BHLHE40: variants seen among roughly 807,000 people sequenced by gnomAD.
BHLHE40 encodes the protein class E basic helix-loop-helix protein 40.
BHLHE40 carries 3 observed loss-of-function variants against 35.7 expected under a neutral mutation model. That is an observed-to-expected ratio of 0.08 (90% CI 0.04 to 0.22). The LOEUF is 0.22. Ranked by LOEUF, BHLHE40 falls within the 10% of genes least tolerant of loss-of-function variation. The probability of loss-of-function intolerance (pLI) is 1.00; values close to 1 mark genes in which losing one functional copy is unlikely to be tolerated. For synonymous variants in BHLHE40, 236 were observed against 213.0 expected, an observed-to-expected ratio of 1.11 and a Z score of -0.94; for missense variants, 486 against 524.0, an observed-to-expected ratio of 0.93 and a Z score of 0.71.
intron 4 of BHLHE40, 128 bp from the exon 5 acceptor site, chr3:4,982,708 A>T: frequency 8.5e-7 from 1 of 1,175,816 alleles, no homozygotes; most frequent in Non-Finnish European, 1.2e-6. Flanking sequence ...TTTTGGAGTT[A>T]GGAACACAAA....
Position 4,983,216 on chromosome 3 carries a change from C to T in BHLHE40, c.763C>T (p.Arg255Cys), listed in dbSNP as rs1453596582. The change falls in exon 5 of 5, where the codon CGC becomes TGC. Residue 255 changes from arginine (R) to cysteine (C), a missense_variant. Around this residue, in one of 5 missense-constraint regions of BHLHE40, gnomAD observed 206 missense variants for 208.9 expected, o/e 0.99. Coordinates refer to ENST00000256495, the MANE Select transcript of BHLHE40 (RefSeq NM_003670.3). This position sits in a 1 kb window ranked among gnomAD's most constrained non-coding sequence, Gnocchi z 5.0. ...AGGAGAATCGGAGAAGGGCGACTTG[C>T]GCAGTGAGCAGCCGTGCTTCAAAAG... Reference protein sequence around the residue: ...YGGESEKGDLRSEQPCFKSDH... With the variant: ...YGGESEKGDLCSEQPCFKSDH... 7 of 1,614,062 alleles carry T rather than the reference C, an allele frequency of 4.3e-6. No homozygotes were observed. The highest frequency in any genetic ancestry group is 4.5e-5 in the East Asian group (2 of 44,896).
rs2053220997 is a variant in BHLHE40 at position 4,983,594 on chromosome 3, C to G, written c.1141C>G (p.Leu381Val). 1.2e-6 allele frequency: 2 copies of G among 1,614,180 alleles called. No individual in the cohort carries two copies. The highest frequency in any genetic ancestry group is 2.7e-5 in the African/African-American group (2 of 75,048). ...GGCTCCCTTGCTCATGCCCCAGAGACTCCCTTCTCCCTTGCCAGCTCATCC... is the reference window on the plus strand; with the variant it reads ...GGCTCCCTTGCTCATGCCCCAGAGAGTCCCTTCTCCCTTGCCAGCTCATCC... ...ISAPLLMPQR[L>V]PSPLPAHPSV... Residue 381 changes from leucine to valine, a missense_variant, in exon 5 of 5, where the codon CTC becomes GTC. Coordinates refer to ENST00000256495, the MANE Select transcript of BHLHE40 (RefSeq NM_003670.3). This position sits in a 1 kb window ranked among gnomAD's most constrained non-coding sequence, Gnocchi z 5.0.
At position 4,983,619 on chromosome 3, in the gene BHLHE40, C is replaced by A. The variant is rs144013949; in HGVS notation, c.1166C>A (p.Pro389Gln). ...CTCCCTTCTCCCTTGCCAGCTCATC[C>A]GTCCGTCGACTCTTCTGTCTTGCTC... is the stretch of plus-strand genomic sequence containing the variant. ...QRLPSPLPAHPSVDSSVLLQA... is the reference protein window; with the variant it reads ...QRLPSPLPAHQSVDSSVLLQA... The change falls in exon 5 of 5, where the codon CCG (proline) becomes CAG (glutamine). Residue 389 changes from proline to glutamine, a missense_variant. Pro to Gln is a moderately conservative substitution (Grantham distance 76, BLOSUM62 -1). This residue lies in a region of BHLHE40 where 206 missense variants were observed against 208.9 expected (regional missense o/e 0.99). Coordinates refer to ENST00000256495, the MANE Select transcript of BHLHE40 (RefSeq NM_003670.3). This position sits in a 1 kb window ranked among gnomAD's most constrained non-coding sequence, Gnocchi z 5.0. 6.2e-7 allele frequency: 1 copy of A among 1,614,170 alleles called. No individual in the cohort carries two copies. Among genetic ancestry groups the A allele is most frequent in the Non-Finnish European group, 8.5e-7 (1 of 1,180,032 alleles).
intron 4 of BHLHE40, among the ~76,000 whole-genome samples, chr3:4,981,790 T>C (rs1421402334): frequency 6.6e-6 from 1 of 152,262 alleles, no homozygotes; most frequent in Non-Finnish European, 1.5e-5. Flanking sequence ...CTACTCCCTT[T>C]TAAAATGCCA....
chr3:4,983,242 T>A lies in BHLHE40; in HGVS notation c.789T>A (p.Ser263Arg). Residue 263 changes from serine (S) to arginine (R), a missense_variant, in exon 5 of 5, where the codon AGT becomes AGA. Physicochemically the swap from Ser to Arg is moderately radical, Grantham distance 110. Around this residue, in one of 5 missense-constraint regions of BHLHE40, gnomAD observed 206 missense variants for 208.9 expected, o/e 0.99. Coordinates refer to ENST00000256495, the MANE Select transcript of BHLHE40 (RefSeq NM_003670.3). This position sits in a 1 kb window ranked among gnomAD's most constrained non-coding sequence, Gnocchi z 5.0. ...GCAGTGAGCAGCCGTGCTTCAAAAG[T>A]GACCACGGACGCAGGTTCACGATGG... is the stretch of plus-strand genomic sequence containing the variant. ...DLRSEQPCFK[S>R]DHGRRFTMGE... 6.2e-7 allele frequency: 1 copy of A among 1,614,112 alleles called. No homozygotes were observed. The highest frequency in any genetic ancestry group is 1.3e-5 in the African/African-American group (1 of 75,018).
intron 4 of BHLHE40, among the ~76,000 whole-genome samples, chr3:4,981,949 G>C (rs1281593730): frequency 2.6e-5 from 4 of 152,220 alleles, no homozygotes; most frequent in African/African-American, 9.6e-5. Context: ...GCAGGATACA[G>C]CAGGAGTTTT....
At chr3:4,981,610 C>T (rs1247629777) in intron 4 of BHLHE40, 95 bp downstream of exon 4, 1 of 1,466,898 alleles carries the variant, frequency 6.8e-7, no homozygotes, top group African/African-American at 1.4e-5. Context: ...ATTACTGCAA[C>T]AAATTGCTTA....
Position 4,983,850 on chromosome 3 carries a change from G to GTGTT in BHLHE40, c.*161_*162insTTGT, listed in dbSNP as rs1553562126. 10 of 957,610 alleles carry GTGTT rather than the reference G, an allele frequency of 1.0e-5. No individual in the cohort carries two copies. Among genetic ancestry groups the GTGTT allele is most frequent in the African/African-American group, 1.7e-5 (1 of 59,934 alleles). 59.3% of individuals were successfully genotyped at this position (957,610 alleles called of 1,614,324 possible). A position where few individuals can be genotyped will look rare whatever the true frequency, so the allele number is the denominator to read the frequency against. On this transcript the variant is annotated 3_prime_UTR_variant, in exon 5 of 5. Transcript: ENST00000256495. The surrounding 1 kb of genome is among the most constrained non-coding windows in gnomAD (Gnocchi z 5.0). ...TCAGGGTGTGTGTGTGTGTGTGTGTGTGTGTATGTGCGTGTGCGTGCACAT... is the reference window on the plus strand; with the variant it reads ...TCAGGGTGTGTGTGTGTGTGTGTGTGTGTTTGTGTATGTGCGTGTGCGTGCACAT...
At position 4,983,517 on chromosome 3, in the gene BHLHE40, T is replaced by C. The variant is rs967676505; in HGVS notation, c.1064T>C (p.Leu355Pro). Reference protein sequence around the residue: ...PTSVPVLYPGLNASAAALSSF... With the variant: ...PTSVPVLYPGPNASAAALSSF... ...TCAGTGCCAGTGCTATACCCAGGCC[T>C]CAACGCCTCTGCCGCAGCCCTCTCT... The change falls in exon 5 of 5, where the codon CTC becomes CCC. Residue 355 changes from leucine to proline, a missense_variant. Around this residue, in one of 5 missense-constraint regions of BHLHE40, gnomAD observed 206 missense variants for 208.9 expected, o/e 0.99. Coordinates refer to ENST00000256495, the MANE Select transcript of BHLHE40 (RefSeq NM_003670.3). This position sits in a 1 kb window ranked among gnomAD's most constrained non-coding sequence, Gnocchi z 5.0. 1.2e-6 allele frequency: 2 copies of C among 1,614,176 alleles called. No individual in the cohort carries two copies. Among genetic ancestry groups the C allele is most frequent in the Non-Finnish European group, 1.7e-6 (2 of 1,180,032 alleles).
rs1326812672 is a variant in BHLHE40, at chr3:4,982,960, G to T, written c.507G>T (p.Ser169=). 1.9e-6 allele frequency: 3 copies of T among 1,613,514 alleles called. No homozygotes were observed. Among genetic ancestry groups the T allele is most frequent in the African/African-American group, 1.3e-5 (1 of 75,004 alleles). Residue 169 remains serine, a synonymous_variant, in exon 5 of 5, where the codon TCG becomes TCT. Transcript: ENST00000256495. ...AGAACACTCGGGACCTGAAGTCTTCGCAGCTTGTCACCCACCTCCACCGGG... is the reference window on the plus strand; with the variant it reads ...AGAACACTCGGGACCTGAAGTCTTCTCAGCTTGTCACCCACCTCCACCGGG... ...KHENTRDLKS[S]QLVTHLHRVV...
chr3:4,982,697 C>T (rs2053208119), intron 4 of BHLHE40, 139 bp from the exon 5 acceptor site: 2 of 1,037,656 alleles, frequency 1.9e-6, no homozygotes, highest in Non-Finnish European at 2.8e-6. Flanking sequence ...GAGCATACTA[C>T]TTTTGGAGTT....
rs569674283 is a variant in BHLHE40, at chr3:4,979,522, G to A, written c.-197G>A. On this transcript the variant is annotated 5_prime_UTR_variant, in exon 1 of 5. Coordinates refer to ENST00000256495, the MANE Select transcript of BHLHE40 (RefSeq NM_003670.3). ...CGCTGAGTCGGAGCCAGAGGCCGCG[G>A]GGACACCGGGCCATGCACGCCCCCA... 42 of 621,018 alleles carry A rather than the reference G, an allele frequency of 6.8e-5. 1 individual carries two copies. Among genetic ancestry groups the A allele is most frequent in the Admixed American group, 5.3e-4 (18 of 33,826 alleles). 38.5% of individuals were successfully genotyped at this position (621,018 alleles called of 1,614,324 possible).
Position 4,980,127 on chromosome 3 carries a change from G to A in BHLHE40, c.150+96G>A, listed in dbSNP as rs565872257. ...CTCGCTTTGAGGTTGGCGAGGGGATGCAGGGTGTGGGCTCGGTGCCTCTTC... is the reference window on the plus strand; with the variant it reads ...CTCGCTTTGAGGTTGGCGAGGGGATACAGGGTGTGGGCTCGGTGCCTCTTC... On this transcript the variant is annotated intron_variant, in intron 2 of 4. Transcript: ENST00000256495. The A allele has an allele frequency of 4.6e-4, 616 of 1,353,074 alleles. 2 individuals are homozygous for A. Among genetic ancestry groups the A allele is most frequent in the Middle Eastern group, 2.3e-3 (13 of 5,600 alleles). 83.8% of individuals were successfully genotyped at this position (1,353,074 alleles called of 1,614,324 possible).
In BHLHE40 at chr3:4,980,415, G is replaced by A. The variant is rs377685599; in HGVS notation, c.258+7G>A. The A allele has an allele frequency of 8.7e-6, 14 of 1,611,416 alleles. No homozygotes were observed. Among genetic ancestry groups the A allele is most frequent in the African/African-American group, 2.7e-5 (2 of 74,854 alleles). ...CGAACATCTCAAACTTACAGTAAGT[G>A]AGAAGCTGGCCCCTTTCCAACCCAG... On this transcript the variant is annotated splice_region_variant and intron_variant, in intron 3 of 4. Coordinates refer to ENST00000256495, the MANE Select transcript of BHLHE40 (RefSeq NM_003670.3).
chr3:4,980,915 G>A (rs1285461595), intron 3 of BHLHE40, among the ~76,000 whole-genome samples: 1 of 151,846 alleles, frequency 6.6e-6, no homozygotes, highest in Admixed American at 6.6e-5. Flanking sequence ...AAAAAAGCCT[G>A]GATGAGCTGG....
At chr3:4,981,335 G>A (rs1028392521) in intron 3 of BHLHE40, 57 bp from the exon 4 acceptor site, 10 of 1,543,720 alleles carry the variant, frequency 6.5e-6, no homozygotes, top group Non-Finnish European at 7.9e-6. Flanking sequence ...GCTAATAAAT[G>A]TCCCAAAGGT....
chr3:4,982,061 C>A (rs1461140507), intron 4 of BHLHE40, among the ~76,000 whole-genome samples: 2 of 152,216 alleles, frequency 1.3e-5, no homozygotes, highest in African/African-American at 4.8e-5. Context: ...CTACTGACTT[C>A]CAGATAATCG....
At position 4,981,435 on chromosome 3, in the gene BHLHE40, T is replaced by C. The variant is rs2053195749; in HGVS notation, c.302T>C (p.Leu101Ser). The C allele has an allele frequency of 9.3e-6, 15 of 1,614,080 alleles. No homozygotes were observed. The highest frequency in any genetic ancestry group is 1.3e-5 in the Non-Finnish European group (15 of 1,179,972). The stretch of plus-strand genomic sequence containing the variant: ...AAAGCAGTGGTTCTTGAACTTACCT[T>C]GAAGCATGTGAAAGCACTAACAAAC... The part of the protein sequence containing the change: ...LEKAVVLELT[L>S]KHVKALTNLI... The change falls in exon 4 of 5, where the codon TTG (leucine) becomes TCG (serine). Residue 101 changes from leucine to serine, a missense_variant. By Grantham distance (145) the Leu-to-Ser change is moderately radical (BLOSUM62 -2). Around this residue, in one of 5 missense-constraint regions of BHLHE40, gnomAD observed 176 missense variants for 180.5 expected, o/e 0.98. Transcript: ENST00000256495.
rs1404931109 is a variant in BHLHE40, at chr3:4,983,999, G to C, written c.*307G>C. On this transcript the variant is annotated 3_prime_UTR_variant, in exon 5 of 5. Coordinates refer to ENST00000256495, the MANE Select transcript of BHLHE40 (RefSeq NM_003670.3). The surrounding 1 kb of genome is among the most constrained non-coding windows in gnomAD (Gnocchi z 5.0). The stretch of plus-strand genomic sequence containing the variant: ...AGACGTCTGGGCTTTTCCCCACCCA[G>C]AGAATAGCCCCCTTCGATACACATC... 2.8e-6 allele frequency: 1 copy of C among 351,850 alleles called. No individual in the cohort carries two copies. The highest frequency in any genetic ancestry group is 2.1e-5 in the African/African-American group (1 of 47,760). The allele number at this position is 351,850 out of a possible 1,614,324, so 21.8% of individuals were successfully genotyped here.
Sources: allele counts gnomAD v4.1 joint callset (sites outside exome capture counted in the v4.1 genomes callset), GRCh38; gene constraint gnomAD v4.1.1; regional missense constraint gnomAD v4.1.1; non-coding constraint Gnocchi (gnomAD v3.1); transcripts MANE v1.5; gene names NCBI Gene and HGNC (gene_info 2026-07-23, HGNC 2026-07-21).